The following ZNRF3 variants were observed in gnomAD, a reference collection of about 807,000 sequenced individuals.
ZNRF3 encodes the protein E3 ubiquitin-protein ligase ZNRF3.
Under a neutral mutation model 72.5 loss-of-function variants are expected in ZNRF3, and 23 were observed. That is an observed-to-expected ratio of 0.32 (90% confidence interval 0.23 to 0.45). The LOEUF is 0.45. Among genes scored for constraint, ZNRF3 ranks in the 20% least tolerant of loss-of-function variants. The pLI is 1.00. For synonymous variants in ZNRF3, 610 were observed against 545.3 expected (o/e 1.12, Z -1.65); for missense variants, 1,169 against 1,272.1 (o/e 0.92, Z 1.23).
At chr22:28,959,253 G>A (rs756776569) in intron 1 of ZNRF3, among the ~76,000 whole-genome samples, 6 of 152,216 alleles carry the variant, frequency 3.9e-5, no homozygotes, top group Non-Finnish European at 8.8e-5. Context: ...GTGGAACCCA[G>A]GTGGGTAGGT....
chr22:29,034,687 G>C (rs1424407151), intron 2 of ZNRF3, among the ~76,000 whole-genome samples: 1 of 152,184 alleles, frequency 6.6e-6, no homozygotes, highest in East Asian at 1.9e-4. Context: ...GGCTACTATA[G>C]AGATATGAGG....
chr22:29,029,691 TTTTTTG>T (rs1010402927), intron 2 of ZNRF3, among the ~76,000 whole-genome samples: 10 of 152,172 alleles, frequency 6.6e-5, no homozygotes, highest in African/African-American at 2.2e-4. Flanking sequence ...GGGCTCGAGT[TTTTTTG>T]TTTTTGTTTT....
chr22:28,976,293 G>A (rs2035673718), intron 1 of ZNRF3, among the ~76,000 whole-genome samples: 1 of 152,202 alleles, frequency 6.6e-6, no homozygotes, highest in East Asian at 1.9e-4. Context: ...GAGGTGGGTG[G>A]GTTACTTGAG....
At chr22:28,964,435 G>A (rs1330305064) in intron 1 of ZNRF3, among the ~76,000 whole-genome samples, 2 of 152,212 alleles carry the variant, frequency 1.3e-5, no homozygotes, top group Admixed American at 6.5e-5. Flanking sequence ...CAGAGGCTGA[G>A]CCTGGGCCAG....
rs2037138195 is a variant in ZNRF3 at position 29,049,408 on chromosome 22, C to T, written c.1227C>T (p.Ser409=). The stretch of plus-strand genomic sequence containing the variant: ...GGCACGGGGAGCAGAGCCTCTATTC[C>T]CCGCAGACCCCCGCCTACATCCGCA... The part of the protein sequence containing the change: ...MDRHGEQSLY[S]PQTPAYIRSY... The change falls in exon 8 of 9, where the codon TCC becomes TCT. Residue 409 remains serine (S), a synonymous_variant. Transcript: ENST00000544604. This position sits in a 1 kb window ranked among gnomAD's most constrained non-coding sequence, Gnocchi z 5.2. 2.5e-6 allele frequency: 4 copies of T among 1,608,784 alleles called. No homozygotes were observed. Among genetic ancestry groups the T allele is most frequent in the African/African-American group, 1.3e-5 (1 of 74,876 alleles).
chr22:28,975,434 GGAGGTTGTAGTGA>G (rs957703455), intron 1 of ZNRF3, among the ~76,000 whole-genome samples: 4 of 149,354 alleles, frequency 2.7e-5, no homozygotes, highest in Non-Finnish European at 5.9e-5. Context: ...CCAGGGAGGT[GGAGGTTGTAGTGA>G]GCCGAGATCG....
intron 1 of ZNRF3, among the ~76,000 whole-genome samples, chr22:28,937,420 G>C (rs938548088): frequency 5.3e-5 from 8 of 151,486 alleles, no homozygotes; most frequent in African/African-American, 1.9e-4. Flanking sequence ...ACTGTGTTTG[G>C]GCATGTGTTG....
At chr22:28,997,762 A>G (rs1030741796) in intron 2 of ZNRF3, among the ~76,000 whole-genome samples, 4 of 152,134 alleles carry the variant, frequency 2.6e-5, no homozygotes, top group East Asian at 1.9e-4. Flanking sequence ...CTATAATCCC[A>G]GCACTTTGGG....
At chr22:28,975,680 T>C (rs556081598) in intron 1 of ZNRF3, among the ~76,000 whole-genome samples, 1 of 151,716 alleles carries the variant, frequency 6.6e-6, no homozygotes, top group South Asian at 2.1e-4. Context: ...GAGATTGCAG[T>C]GAGCTGAGAT....
chr22:29,033,252 A>G (rs151212921), intron 2 of ZNRF3, among the ~76,000 whole-genome samples: 3,938 of 151,328 alleles, frequency 0.026, 81 homozygotes, highest in African/African-American at 0.058. Flanking sequence ...TCGGGAGGCT[A>G]AGGCAGGATA....
At chr22:28,905,911 A>T (rs1171522965) in intron 1 of ZNRF3, among the ~76,000 whole-genome samples, 1 of 152,208 alleles carries the variant, frequency 6.6e-6, no homozygotes, top group African/African-American at 2.4e-5. Flanking sequence ...AGAGGTTTAT[A>T]CAGCTGGTGA....
At chr22:29,033,573 G>C (rs5997434) in intron 2 of ZNRF3, among the ~76,000 whole-genome samples, 70,106 of 151,908 alleles carry the variant, frequency 0.46, 16,591 homozygotes, top group Non-Finnish European at 0.51. Context: ...GGGCTGGGCT[G>C]AGGAGCCCCC....
At chr22:29,052,490 C>T (rs781104707) in intron 8 of ZNRF3, among the ~76,000 whole-genome samples, 1 of 152,132 alleles carries the variant, frequency 6.6e-6, no homozygotes, top group Non-Finnish European at 1.5e-5. Flanking sequence ...GTAAAGAGAC[C>T]GAGGCCATCC....
At chr22:28,942,149 GT>G (rs1262972329) in intron 1 of ZNRF3, among the ~76,000 whole-genome samples, 1 of 152,188 alleles carries the variant, frequency 6.6e-6, no homozygotes, top group Non-Finnish European at 1.5e-5. Context: ...CCTCTCACCT[GT>G]TTTAGGAAAT....
chr22:28,904,784 A>G (rs1486900583), intron 1 of ZNRF3, among the ~76,000 whole-genome samples: 1 of 151,972 alleles, frequency 6.6e-6, no homozygotes, highest in Admixed American at 6.6e-5. Flanking sequence ...ACCTCTCTGT[A>G]TCCTCCTGCC....
chr22:29,043,264 G>T, intron 3 of ZNRF3, 35 bp from the exon 4 acceptor site: 1 of 1,604,246 alleles, frequency 6.2e-7, no homozygotes, highest in Non-Finnish European at 8.5e-7. Flanking sequence ...TAAAGTAAGC[G>T]CACCTTTTAA....
chr22:28,886,581 C>T (rs2033791700), intron 1 of ZNRF3, among the ~76,000 whole-genome samples: 1 of 152,148 alleles, frequency 6.6e-6, no homozygotes, highest in South Asian at 2.1e-4. Flanking sequence ...ATTGTAACTT[C>T]TTGTCTTTCT....
chr22:28,941,074 C>T (rs2034937234), intron 1 of ZNRF3, among the ~76,000 whole-genome samples: 1 of 152,090 alleles, frequency 6.6e-6, no homozygotes, highest in Admixed American at 6.5e-5. Context: ...TATGTCTCTC[C>T]TCATACTTTT....
At position 28,918,537 on chromosome 22, in the gene ZNRF3, C is replaced by CGTGT. The variant is rs56876101; in HGVS notation, c.300+34512_300+34515dup. Reference sequence around the variant, plus strand: ...GTGTGTATGTGTATCTGCATGTGTGCGTGTGTGTGTGTGTGTGTGTGTGTG... The same window carrying CGTGT: ...GTGTGTATGTGTATCTGCATGTGTGCGTGTGTGTGTGTGTGTGTGTGTGTGTGTG... On this transcript the variant is annotated intron_variant, in intron 1 of 8. Coordinates refer to ENST00000544604, the MANE Select transcript of ZNRF3 (RefSeq NM_001206998.2). 1.9e-3 allele frequency among the ~76,000 whole-genome samples: 276 copies of CGTGT among 148,828 alleles called. 2 individuals are homozygous for CGTGT. The highest frequency in any genetic ancestry group is 6.1e-3 in the African/African-American group (243 of 40,152).
Sources: allele counts gnomAD v4.1 joint callset (sites outside exome capture counted in the v4.1 genomes callset), GRCh38; gene constraint gnomAD v4.1.1; non-coding constraint Gnocchi (gnomAD v3.1); transcripts MANE v1.5; gene names NCBI Gene and HGNC (gene_info 2026-07-23, HGNC 2026-07-21).